Variants in ANXA13 observed in about 807,000 individuals in gnomAD.
The protein encoded by ANXA13 is annexin A13.
ANXA13 carries 36 observed loss-of-function variants against 46.6 expected under a neutral mutation model. The ratio of observed to expected loss-of-function variants is 0.77; its 90% CI spans 0.59 to 1.02. ANXA13 has a LOEUF of 1.02. ANXA13 is among the 50% of genes least tolerant of loss of function. The pLI is 0.00. For missense variants in ANXA13, 417 were observed against 396.5 expected, an observed-to-expected ratio of 1.05 and a Z score of -0.44; for synonymous variants, 163 against 152.9, an observed-to-expected ratio of 1.07 and a Z score of -0.49.
chr8:123,704,672 C>G (rs1317029992), intron 2 of ANXA13, among the ~76,000 whole-genome samples: 4 of 152,174 alleles, frequency 2.6e-5, no homozygotes, highest in Non-Finnish European at 5.9e-5. Flanking sequence ...GCTAGGATGA[C>G]AGGCATGAGC....
At chr8:123,693,655 A>T in intron 7 of ANXA13, 56 bp downstream of exon 7, 1 of 1,427,152 alleles carries the variant, frequency 7.0e-7, no homozygotes, top group Non-Finnish European at 9.7e-7. Flanking sequence ...TGTTGAAAAT[A>T]ATGCTAATAA....
intron 1 of ANXA13, among the ~76,000 whole-genome samples, chr8:123,725,235 A>G (rs955987617): frequency 1.3e-5 from 2 of 152,236 alleles, no homozygotes; most frequent in African/African-American, 4.8e-5. Context: ...TTAATAGAAT[A>G]ATTAGTAGAA....
chr8:123,681,993 G>T (rs1408249884), intron 10 of ANXA13, among the ~76,000 whole-genome samples: 1 of 152,136 alleles, frequency 6.6e-6, no homozygotes, highest in African/African-American at 2.4e-5. Flanking sequence ...AGTTTTAACA[G>T]TTATTTGAAA....
chr8:123,703,358 G>A (rs1813481588), intron 2 of ANXA13, among the ~76,000 whole-genome samples: 1 of 152,134 alleles, frequency 6.6e-6, no homozygotes, highest in Non-Finnish European at 1.5e-5. Context: ...GGGCTGCCTA[G>A]GGGGATGGTA....
chr8:123,704,916 G>A (rs971726807), intron 2 of ANXA13, among the ~76,000 whole-genome samples: 2 of 152,130 alleles, frequency 1.3e-5, no homozygotes, highest in South Asian at 2.1e-4. Context: ...CAGGATCAGC[G>A]CCTCTAGCCC....
chr8:123,715,378 C>T (rs1813740925), intron 1 of ANXA13, among the ~76,000 whole-genome samples: 1 of 152,220 alleles, frequency 6.6e-6, no homozygotes, highest in South Asian at 2.1e-4. Context: ...ATAGTAATGG[C>T]TTCTTTGCTT....
intron 9 of ANXA13, among the ~76,000 whole-genome samples, chr8:123,687,878 TC>T (rs776552529): frequency 6.6e-5 from 10 of 152,204 alleles, no homozygotes; most frequent in Non-Finnish European, 1.5e-4. Flanking sequence ...CTCTGCTATT[TC>T]CTGCCTTTGG....
chr8:123,737,386 C>G lies in ANXA13; in HGVS notation c.-52G>C. ...GTATTTCATCAAGAGATCAGTCCTC[C>G]TACAGGCAAAGTTTACAACAGTTTT... On this transcript the variant is annotated 5_prime_UTR_variant, in exon 1 of 11. Coordinates refer to ENST00000419625, the MANE Select transcript of ANXA13 (RefSeq NM_004306.4). The G allele has an allele frequency of 6.7e-7, 1 of 1,500,926 alleles. No homozygotes were observed. Among genetic ancestry groups the G allele is most frequent in the South Asian group, 1.2e-5 (1 of 86,554 alleles). The allele number at this position is 1,500,926 out of a possible 1,614,324, so 93.0% of individuals were successfully genotyped here.
intron 1 of ANXA13, among the ~76,000 whole-genome samples, chr8:123,722,596 A>T (rs1813904926): frequency 2.6e-5 from 4 of 152,212 alleles, no homozygotes; most frequent in Non-Finnish European, 5.9e-5. Context: ...GCCATCTCCC[A>T]GTGAGCAAAG....
At chr8:123,725,441 C>T (rs944345016) in intron 1 of ANXA13, among the ~76,000 whole-genome samples, 16 of 152,140 alleles carry the variant, frequency 1.1e-4, no homozygotes, top group East Asian at 5.8e-4. Flanking sequence ...TACCTCTAAC[C>T]GGTTACTCAT....
chr8:123,712,688 G>T lies in ANXA13; in HGVS notation c.81C>A (p.Cys27Ter), dbSNP rs368241219. Residue 27 changes from cysteine (C) to a stop codon, truncating the protein, a stop_gained, in exon 2 of 11, where the codon TGC (cysteine) becomes TGA (stop). Coordinates refer to ENST00000419625, the MANE Select transcript of ANXA13 (RefSeq NM_004306.4). LOFTEE classifies it high-confidence loss of function. ...AAATATCTCTCATACCCATTCCTTTGCAGGCTTTGTTCAGCTTTTTGGCAT... is the reference window on the plus strand; with the variant it reads ...AAATATCTCTCATACCCATTCCTTTTCAGGCTTTGTTCAGCTTTTTGGCAT... ...DRDAKKLNKA[C>*]KGMGTNEAAI... is the part of the protein sequence containing the mutation. The T allele has an allele frequency of 1.2e-6, 2 of 1,614,084 alleles. No individual in the cohort carries two copies. The highest frequency in any genetic ancestry group is 1.1e-5 in the South Asian group (1 of 91,084).
chr8:123,693,236 GC>G lies in ANXA13; in HGVS notation c.602del (p.Ser201ThrfsTer20). 1.2e-6 allele frequency: 2 copies of G among 1,614,126 alleles called. No homozygotes were observed. The highest frequency in any genetic ancestry group is 2.2e-5 in the South Asian group (2 of 91,082). ...GAAAGGTGGCTCGTAACTGCTTGTA[GC>G]TCCTCTTGGCCAGGACTTCATTGAA... is the stretch of plus-strand genomic sequence containing the variant. ...LAFNEVLAKRSYKQLRATFQA... is the reference protein window; with the variant it reads ...LAFNEVLAKRXYKQLRATFQA... On this transcript the variant is annotated frameshift_variant, in exon 8 of 11. Transcript: ENST00000419625. LOFTEE classifies it high-confidence loss of function.
Position 123,695,583 on chromosome 8 carries a change from T to G in ANXA13, c.392-2A>C, listed in dbSNP as rs1813316326. On this transcript the variant is annotated splice_acceptor_variant, in intron 5 of 10. Coordinates refer to ENST00000419625, the MANE Select transcript of ANXA13 (RefSeq NM_004306.4). LOFTEE classifies it high-confidence loss of function. ...CTGATTCGAGGCTCCTATCAAATAC[T>G]TCGAAGGAAGTAAACAAGGAGGGAA... is the stretch of plus-strand genomic sequence containing the variant. 1 of 1,613,716 alleles carries G rather than the reference T, an allele frequency of 6.2e-7. No homozygotes were observed.
chr8:123,695,822 G>A, intron 4 of ANXA13, 101 bp from the exon 5 acceptor site: 2 of 1,022,680 alleles, frequency 2.0e-6, no homozygotes, highest in East Asian at 4.8e-5. Flanking sequence ...GACACAAAGT[G>A]CCTTCAAGAC....
intron 1 of ANXA13, among the ~76,000 whole-genome samples, chr8:123,719,050 G>A (rs1813810422): frequency 6.6e-6 from 1 of 152,202 alleles, no homozygotes; most frequent in Non-Finnish European, 1.5e-5. Flanking sequence ...GCAAACTCTG[G>A]GGATGGAATG....
In ANXA13 at chr8:123,694,683, G is replaced by A. The variant is rs1162932183; in HGVS notation, c.471+819C>T. Among the ~76,000 whole-genome samples, 3 of 152,198 alleles carry A rather than the reference G, an allele frequency of 2.0e-5. No homozygotes were observed. In the East Asian group the frequency reaches 5.8e-4, roughly 29 times the overall value. On this transcript the variant is annotated intron_variant, in intron 6 of 10. Coordinates refer to ENST00000419625, the MANE Select transcript of ANXA13 (RefSeq NM_004306.4). ...GCCGACACCTTGATTTCAGCCTGTT[G>A]ATAACCTGACCAAAGGACTCAGCGA... is the stretch of plus-strand genomic sequence containing the variant.
intron 8 of ANXA13, 72 bp downstream of exon 8, chr8:123,693,125 C>G: frequency 7.3e-7 from 1 of 1,367,116 alleles, no homozygotes; most frequent in East Asian, 2.3e-5. Context: ...TATTGCAGAT[C>G]TTGGCTTCTT....
At chr8:123,683,186 G>A (rs1162056913) in intron 10 of ANXA13, among the ~76,000 whole-genome samples, 1 of 151,940 alleles carries the variant, frequency 6.6e-6, no homozygotes, top group Admixed American at 6.6e-5. Context: ...CAGAGAGACT[G>A]GCAAAGGGAA....
chr8:123,724,377 T>C (rs1813942054), intron 1 of ANXA13, among the ~76,000 whole-genome samples: 1 of 152,218 alleles, frequency 6.6e-6, no homozygotes, highest in African/African-American at 2.4e-5. Flanking sequence ...GATCCCAGTC[T>C]GATCCTATGA....
Sources: allele counts gnomAD v4.1 joint callset (sites outside exome capture counted in the v4.1 genomes callset), GRCh38; gene constraint gnomAD v4.1.1; transcripts MANE v1.5; gene names NCBI Gene and HGNC (gene_info 2026-07-23, HGNC 2026-07-21).